Variants in BBX observed in about 807,000 individuals in gnomAD.
BBX encodes the protein BBX high mobility group box domain containing, also known as HMG box transcription factor BBX.
Under a neutral mutation model 100.2 loss-of-function variants are expected in BBX, and 30 were observed. The ratio of observed to expected loss-of-function variants is 0.30; its 90% CI spans 0.22 to 0.41. The LOEUF (loss-of-function observed/expected upper bound fraction) is 0.41, where lower values mean the gene tolerates loss of function less well. BBX is among the 10% of genes least tolerant of loss of function. The pLI, the probability that BBX is intolerant of heterozygous loss-of-function variation, is 1.00. For missense variants in BBX, 1,023 were observed against 1,129.8 expected, an observed-to-expected ratio of 0.91 and a Z score of 1.35; for synonymous variants, 376 against 388.1, an observed-to-expected ratio of 0.97 and a Z score of 0.37.
rs576300796 is a variant in BBX at position 107,705,613 on chromosome 3, A to G, written c.-9-4839A>G. ...GATCACTATCAAATGGGAGACATCT[A>G]TGCTCCCTTTTGAATGACATCTTAG... On this transcript the variant is annotated intron_variant, in intron 3 of 17. Transcript: ENST00000325805. Among the ~76,000 whole-genome samples the G allele has an allele frequency of 5.9e-5, 9 of 152,282 alleles. No homozygotes were observed. In the South Asian group the frequency reaches 6.2e-4, roughly 11 times the overall value.
chr3:107,545,027 A>T (rs942014909), intron 2 of BBX, among the ~76,000 whole-genome samples: 3 of 151,950 alleles, frequency 2.0e-5, no homozygotes, highest in African/African-American at 7.2e-5. Context: ...AAAAAAAAAA[A>T]ATTTTTTAAA....
At position 107,572,431 on chromosome 3, in the gene BBX, C is replaced by A. The variant is rs565024436; in HGVS notation, c.-84+46033C>A. ...TTATTCTTCAGAGATGCCAAAAATG[C>A]CTGAAGCTGATTGGAGATTCTCATG... On this transcript the variant is annotated intron_variant, in intron 2 of 17. Coordinates refer to ENST00000325805, the MANE Select transcript of BBX (RefSeq NM_001142568.3). Among the ~76,000 whole-genome samples the A allele has an allele frequency of 5.9e-5, 9 of 152,108 alleles. No homozygotes were observed. In the South Asian group the frequency reaches 1.9e-3, roughly 32 times the overall value.
rs1422706988 is a variant in BBX, at chr3:107,773,200, C to T, written c.1479C>T (p.Val493=). ...IESVIYTIEA[V]AKGDWGIEKL... ...GCGTCATATATACCATTGAAGCCGT[C>T]GCAAAAGGAGACTGGGGCATAGAGA... is the stretch of plus-strand genomic sequence containing the variant. The change falls in exon 11 of 18, where the codon GTC becomes GTT. Residue 493 remains valine (V), a synonymous_variant. Coordinates refer to ENST00000325805, the MANE Select transcript of BBX (RefSeq NM_001142568.3). The surrounding 1 kb of genome is among the most constrained non-coding windows in gnomAD (Gnocchi z 4.1). 9.3e-6 allele frequency: 15 copies of T among 1,613,920 alleles called. No individual in the cohort carries two copies. Among genetic ancestry groups the T allele is most frequent in the East Asian group, 2.2e-5 (1 of 44,888 alleles).
intron 3 of BBX, among the ~76,000 whole-genome samples, chr3:107,708,613 G>T (rs184045625): frequency 4.2e-4 from 62 of 149,336 alleles, no homozygotes; most frequent in Non-Finnish European, 6.8e-4. Flanking sequence ...GGCAGAGGTT[G>T]CAGTGAGCTG....
chr3:107,767,852 AC>A (rs2066521832), intron 10 of BBX, among the ~76,000 whole-genome samples: 2 of 151,952 alleles, frequency 1.3e-5, no homozygotes, highest in South Asian at 4.1e-4. Flanking sequence ...CGTAGGTTCT[AC>A]TAATGGGAGA....
At chr3:107,712,659 T>C (rs1002740673) in intron 4 of BBX, among the ~76,000 whole-genome samples, 2 of 152,208 alleles carry the variant, frequency 1.3e-5, no homozygotes, top group African/African-American at 4.8e-5. Context: ...GAGATTATTG[T>C]ATCTACCTCC....
chr3:107,641,348 G>T (rs376821865), intron 2 of BBX, among the ~76,000 whole-genome samples: 1 of 152,112 alleles, frequency 6.6e-6, no homozygotes, highest in African/African-American at 2.4e-5. Context: ...GCCTTCCAAA[G>T]TGCTGGGATT....
intron 15 of BBX, among the ~76,000 whole-genome samples, chr3:107,794,900 G>T (rs1268862997): frequency 6.6e-6 from 1 of 152,150 alleles, no homozygotes; most frequent in Admixed American, 6.6e-5. Flanking sequence ...AAAACAAGAC[G>T]GTCTCTTATT....
At chr3:107,732,508 T>C (rs2063375106) in intron 6 of BBX, among the ~76,000 whole-genome samples, 1 of 152,196 alleles carries the variant, frequency 6.6e-6, no homozygotes. Flanking sequence ...TTCTCTCTGT[T>C]CTCTAGTTCT....
intron 3 of BBX, among the ~76,000 whole-genome samples, chr3:107,699,753 A>T (rs145264002): frequency 6.6e-6 from 1 of 152,040 alleles, no homozygotes; most frequent in Non-Finnish European, 1.5e-5. Context: ...TCTAGTTTCT[A>T]TTCACCAGGC....
At chr3:107,668,189 C>A (rs2058846169) in intron 3 of BBX, among the ~76,000 whole-genome samples, 1 of 152,140 alleles carries the variant, frequency 6.6e-6, no homozygotes, top group Non-Finnish European at 1.5e-5. Context: ...ATATGGTTTT[C>A]TTCTTCTATG....
intron 4 of BBX, among the ~76,000 whole-genome samples, chr3:107,712,509 G>T (rs1276234214): frequency 1.3e-5 from 2 of 152,146 alleles, no homozygotes; most frequent in African/African-American, 4.8e-5. Context: ...ATACTTTGCT[G>T]CTTTATTTTG....
At chr3:107,733,311 G>A (rs558986312) in intron 7 of BBX, among the ~76,000 whole-genome samples, 75 of 152,128 alleles carry the variant, frequency 4.9e-4, no homozygotes, top group Non-Finnish European at 9.7e-4. Flanking sequence ...CTCTGTCATG[G>A]TTATGTCAGT....
intron 2 of BBX, among the ~76,000 whole-genome samples, chr3:107,620,696 T>C (rs2055678935): frequency 6.6e-6 from 1 of 152,190 alleles, no homozygotes; most frequent in African/African-American, 2.4e-5. Context: ...TCTGCTGATA[T>C]CACTCTAACT....
intron 3 of BBX, among the ~76,000 whole-genome samples, chr3:107,691,172 T>A (rs77753064): frequency 0.016 from 2,481 of 152,158 alleles, 65 homozygotes; most frequent in African/African-American, 0.057. Context: ...CCTAACATAG[T>A]GCTGGGATTA....
chr3:107,569,833 T>G lies in BBX; in HGVS notation c.-84+43435T>G, dbSNP rs970518417. ...AGAAGGGGACGGACTTACCCTCCAC[T>G]TTATGAGTTACCCAAAGTGTCTGTG... On this transcript the variant is annotated intron_variant, in intron 2 of 17. Coordinates refer to ENST00000325805, the MANE Select transcript of BBX (RefSeq NM_001142568.3). Among the ~76,000 whole-genome samples the G allele has an allele frequency of 2.0e-5, 3 of 152,240 alleles. No homozygotes were observed. In the East Asian group the frequency reaches 5.8e-4, roughly 29 times the overall value.
At chr3:107,544,497 A>G (rs2049071521) in intron 2 of BBX, among the ~76,000 whole-genome samples, 1 of 152,188 alleles carries the variant, frequency 6.6e-6, no homozygotes, top group Non-Finnish European at 1.5e-5. Context: ...AAAACATCAC[A>G]TCTGGAAACC....
At chr3:107,620,776 G>A (rs762146782) in intron 2 of BBX, among the ~76,000 whole-genome samples, 3 of 152,166 alleles carry the variant, frequency 2.0e-5, no homozygotes, top group Non-Finnish European at 4.4e-5. Context: ...GTAGAGGTGG[G>A]AAAGGGGGAG....
intron 17 of BBX, among the ~76,000 whole-genome samples, chr3:107,804,083 A>G (rs2070824945): frequency 1.3e-5 from 2 of 152,054 alleles, no homozygotes; most frequent in South Asian, 2.1e-4. Flanking sequence ...GGTGGTATCT[A>G]TAACATCCAC....
Sources: allele counts gnomAD v4.1 joint callset (sites outside exome capture counted in the v4.1 genomes callset), GRCh38; gene constraint gnomAD v4.1.1; non-coding constraint Gnocchi (gnomAD v3.1); transcripts MANE v1.5; gene names NCBI Gene and HGNC (gene_info 2026-07-23, HGNC 2026-07-21).